LRRC31: variants seen among roughly 807,000 people sequenced by gnomAD.
LRRC31 encodes the protein leucine-rich repeat-containing protein 31.
Under a neutral mutation model 46.7 loss-of-function variants are expected in LRRC31, and 35 were observed. The observed-to-expected ratio is 0.75, with a 90% confidence interval of 0.57 to 0.99. The LOEUF (loss-of-function observed/expected upper bound fraction) is 0.99. Ranked by LOEUF, LRRC31 falls within the 50% of genes least tolerant of loss-of-function variation. The probability of loss-of-function intolerance (pLI) is 0.00; values close to 1 mark genes in which losing one functional copy is unlikely to be tolerated. For missense variants in LRRC31, 613 were observed against 626.1 expected (o/e 0.98, Z 0.22); for synonymous variants, 236 against 235.1 (o/e 1.00, Z -0.03).
chr3:169,851,842 T>TG, intron 6 of LRRC31, 56 bp from the exon 7 acceptor site: 1 of 1,560,400 alleles, frequency 6.4e-7, no homozygotes, highest in African/African-American at 1.4e-5. Flanking sequence ...GGGAGTCTTC[T>TG]GGGTGTTTGG....
intron 3 of LRRC31, among the ~76,000 whole-genome samples, chr3:169,857,782 G>C (rs546161336): frequency 6.6e-6 from 1 of 152,148 alleles, no homozygotes; most frequent in Admixed American, 6.5e-5. Flanking sequence ...ACCTGTCCCT[G>C]GGTTTGAACT....
At chr3:169,864,551 A>G (rs1186750858) in intron 1 of LRRC31, among the ~76,000 whole-genome samples, 1 of 152,198 alleles carries the variant, frequency 6.6e-6, no homozygotes, top group Admixed American at 6.5e-5. Context: ...AACTTACTGG[A>G]ACCTCCTATG....
intron 8 of LRRC31, among the ~76,000 whole-genome samples, chr3:169,845,973 T>C (rs551518345): frequency 5.9e-5 from 9 of 152,332 alleles, no homozygotes; most frequent in South Asian, 2.1e-4. Context: ...GACTTACTTG[T>C]ATTCAGAAAA....
intron 7 of LRRC31, among the ~76,000 whole-genome samples, chr3:169,850,686 C>A (rs1473175967): frequency 6.6e-6 from 1 of 152,142 alleles, no homozygotes; most frequent in East Asian, 1.9e-4. Flanking sequence ...TAAAATGGAA[C>A]AATGGCACAT....
intron 1 of LRRC31, among the ~76,000 whole-genome samples, chr3:169,868,560 G>A (rs1023088056): frequency 6.6e-6 from 1 of 152,076 alleles, no homozygotes; most frequent in South Asian, 2.1e-4. Context: ...TACATAGCAA[G>A]CACTCAATAA....
Position 169,855,075 on chromosome 3 carries a change from G to T in LRRC31, c.824-95C>A. ...GGAGACCAAGGCAGGAGGATTGCTT[G>T]AGCCCCGGAGTTCGAGTCCAGCTTG... On this transcript the variant is annotated intron_variant, in intron 5 of 8. Transcript: ENST00000316428. 3 of 1,080,798 alleles carry T rather than the reference G, an allele frequency of 2.8e-6. No homozygotes were observed. In the South Asian group the frequency reaches 4.6e-5, roughly 17 times the overall value. 67.0% of individuals were successfully genotyped at this position (1,080,798 alleles called of 1,614,324 possible).
At chr3:169,862,398 C>T (rs181073300) in intron 1 of LRRC31, among the ~76,000 whole-genome samples, 19 of 152,308 alleles carry the variant, frequency 1.2e-4, no homozygotes, top group African/African-American at 4.1e-4. Context: ...TTTGGAAAGC[C>T]TCGTCTGTCC....
At chr3:169,862,676 T>C (rs1223223343) in intron 1 of LRRC31, among the ~76,000 whole-genome samples, 1 of 151,778 alleles carries the variant, frequency 6.6e-6, no homozygotes, top group Non-Finnish European at 1.5e-5. Context: ...CAGGGGAATA[T>C]CTTGAACCCA....
Position 169,840,081 on chromosome 3 carries a change from C to T in LRRC31, c.1560G>A (p.Met520Ile), listed in dbSNP as rs767020944. ...TKLPQITEIG[M>I]KRWILPASQE... The stretch of plus-strand genomic sequence containing the variant: ...GTGAAGCTGGGAGAATCCATCTTTT[C>T]ATTCCTATCTCAGTGATCTGAGGAA... The change falls in exon 9 of 9, where the codon ATG becomes ATA. Residue 520 changes from methionine (M) to isoleucine (I), a missense_variant. Met to Ile is a conservative substitution (Grantham distance 10). Transcript: ENST00000316428. The T allele has an allele frequency of 1.9e-5, 30 of 1,613,994 alleles. No individual in the cohort carries two copies. Among genetic ancestry groups the T allele is most frequent in the Admixed American group, 5.0e-5 (3 of 59,984 alleles).
Position 169,861,756 on chromosome 3 carries a change from A to G in LRRC31, c.233T>C (p.Phe78Ser). 1.2e-6 allele frequency: 2 copies of G among 1,614,134 alleles called. No individual in the cohort carries two copies. The highest frequency in any genetic ancestry group is 1.7e-6 in the Non-Finnish European group (2 of 1,179,974). Reference protein sequence around the residue: ...WRSSMEKNEHFLQKLGKKAVN... With the variant: ...WRSSMEKNEHSLQKLGKKAVN... ...AGCCTTTTTGCCCAGCTTCTGCAGG[A>G]AATGCTCATTTTTCTCCATACTGGA... The change falls in exon 2 of 9, where the codon TTC becomes TCC. Residue 78 changes from phenylalanine (F) to serine (S), a missense_variant. Phe to Ser is a radical substitution (Grantham distance 155). Coordinates refer to ENST00000316428, the MANE Select transcript of LRRC31 (RefSeq NM_024727.4).
chr3:169,844,098 A>G (rs553790339), intron 8 of LRRC31, among the ~76,000 whole-genome samples: 3 of 152,222 alleles, frequency 2.0e-5, no homozygotes, highest in Non-Finnish European at 4.4e-5. Flanking sequence ...ACACTTTCCA[A>G]CTCATTGTAT....
chr3:169,841,434 T>C (rs1375649028), intron 8 of LRRC31, among the ~76,000 whole-genome samples: 1 of 152,214 alleles, frequency 6.6e-6, no homozygotes, highest in African/African-American at 2.4e-5. Flanking sequence ...GCCAACAGTT[T>C]GATTCCACAG....
chr3:169,858,661 G>A (rs928025582), intron 3 of LRRC31, among the ~76,000 whole-genome samples: 1 of 152,086 alleles, frequency 6.6e-6, no homozygotes, highest in Non-Finnish European at 1.5e-5. Flanking sequence ...TAAGAAAACC[G>A]AGGCTCAGAA....
At chr3:169,863,467 G>C (rs1230734514) in intron 1 of LRRC31, among the ~76,000 whole-genome samples, 1 of 152,156 alleles carries the variant, frequency 6.6e-6, no homozygotes, top group East Asian at 1.9e-4. Flanking sequence ...AATAAATTTA[G>C]ACCAAATGAT....
chr3:169,861,945 G>T, intron 1 of LRRC31, 132 bp from the exon 2 acceptor site: 2 of 944,122 alleles, frequency 2.1e-6, no homozygotes, highest in Non-Finnish European at 3.1e-6. Context: ...CAACTCAGAG[G>T]CAGAGCCATT....
chr3:169,854,954 G>T lies in LRRC31; in HGVS notation c.850C>A (p.Leu284Met), dbSNP rs555692167. 1.6e-5 allele frequency: 25 copies of T among 1,611,078 alleles called. No individual in the cohort carries two copies. The South Asian group carries it at 2.6e-4, about 17-fold the overall frequency. Residue 284 changes from leucine (L) to methionine (M), a missense_variant, in exon 6 of 9, where the codon CTG (leucine) becomes ATG (methionine). Physicochemically the swap from Leu to Met is conservative, Grantham distance 15. Transcript: ENST00000316428. ...LDAAFRYLGELRKLDLSCNKD... is the reference protein window; with the variant it reads ...LDAAFRYLGEMRKLDLSCNKD... ...TTGCAGGAAAGATCTAATTTCCTCA[G>T]CTCACCCAAATACCTAAAAGCAGCA...
intron 3 of LRRC31, among the ~76,000 whole-genome samples, chr3:169,858,550 T>C (rs1029356539): frequency 1.3e-5 from 2 of 152,362 alleles, no homozygotes; most frequent in Non-Finnish European, 2.9e-5. Context: ...CTATCAGTTA[T>C]TGAGCAACTA....
In LRRC31 at chr3:169,869,650, G is replaced by A. The variant is rs751716469; in HGVS notation, c.158C>T (p.Thr53Ile). The stretch of plus-strand genomic sequence containing the variant: ...CAGCTTACCAGTCTCTGAGGTGGCT[G>A]TCTTCTGTATCCAGTCGCTGGGTTG... ...DSQPSDWIQK[T>I]ATSETAKPLS... The change falls in exon 1 of 9, where the codon ACA becomes ATA. Residue 53 changes from threonine to isoleucine, a missense_variant. By Grantham distance (89) the Thr-to-Ile change is moderately conservative. Transcript: ENST00000316428. The A allele has an allele frequency of 1.6e-5, 26 of 1,602,844 alleles. 1 individual carries two copies. The highest frequency in any genetic ancestry group is 2.1e-5 in the Non-Finnish European group (25 of 1,175,728).
chr3:169,854,940 A>T lies in LRRC31; in HGVS notation c.864T>A (p.Asp288Glu). The T allele has an allele frequency of 1.2e-6, 2 of 1,612,514 alleles. No individual in the cohort carries two copies. Among genetic ancestry groups the T allele is most frequent in the Non-Finnish European group, 1.7e-6 (2 of 1,179,958 alleles). ...CACCTAGATCCTTATTGCAGGAAAG[A>T]TCTAATTTCCTCAGCTCACCCAAAT... Reference protein sequence around the residue: ...FRYLGELRKLDLSCNKDLGGG... With the variant: ...FRYLGELRKLELSCNKDLGGG... The change falls in exon 6 of 9, where the codon GAT (aspartate) becomes GAA (glutamate). Residue 288 changes from aspartate to glutamate, a missense_variant. By Grantham distance (45) the Asp-to-Glu change is conservative. Transcript: ENST00000316428.
Sources: allele counts gnomAD v4.1 joint callset (sites outside exome capture counted in the v4.1 genomes callset), GRCh38; gene constraint gnomAD v4.1.1; transcripts MANE v1.5; gene names NCBI Gene and HGNC (gene_info 2026-07-23, HGNC 2026-07-21).